Variants in LUZP2 observed in about 807,000 individuals in gnomAD.
LUZP2 encodes leucine zipper protein 2.
A neutral mutation model predicts 51.6 loss-of-function variants in LUZP2; 52 were observed. That is an observed-to-expected ratio of 1.01 (90% CI 0.81 to 1.27). LUZP2 has a LOEUF of 1.27. Ranked by LOEUF, LUZP2 falls within the 50% of genes most tolerant of loss-of-function variation. The probability of loss-of-function intolerance (pLI) is 0.00; values close to 1 mark genes in which losing one functional copy is unlikely to be tolerated. For synonymous variants in LUZP2, 154 were observed against 137.3 expected (o/e 1.12, Z -0.85); for missense variants, 436 against 395.4 (o/e 1.10, Z -0.87).
chr11:24,819,228 TA>T (rs2134153804), intron 5 of LUZP2, among the ~76,000 whole-genome samples: 1 of 152,108 alleles, frequency 6.6e-6, no homozygotes, highest in African/African-American at 2.4e-5. Context: ...GAGTGAGGTA[TA>T]GCTTGCCAGG....
At chr11:24,608,368 A>C (rs185900560) in intron 1 of LUZP2, among the ~76,000 whole-genome samples, 1 of 152,298 alleles carries the variant, frequency 6.6e-6, no homozygotes, top group Non-Finnish European at 1.5e-5. Flanking sequence ...TGGTTTTAAT[A>C]AAACTTTTGA....
intron 1 of LUZP2, among the ~76,000 whole-genome samples, chr11:24,699,356 T>C (rs1419658851): frequency 6.6e-6 from 1 of 152,210 alleles, no homozygotes; most frequent in Non-Finnish European, 1.5e-5. Flanking sequence ...TTGAATTCCC[T>C]GCATAGTTTT....
chr11:24,502,097 A>G, intron 1 of LUZP2, among the ~76,000 whole-genome samples: 1 of 152,152 alleles, frequency 6.6e-6, no homozygotes, highest in Non-Finnish European at 1.5e-5. Context: ...GGACTGAATG[A>G]GTTCATCCGT....
intron 1 of LUZP2, among the ~76,000 whole-genome samples, chr11:24,515,897 A>AT (rs1255449481): frequency 6.6e-6 from 1 of 151,932 alleles, no homozygotes; most frequent in East Asian, 1.9e-4. Flanking sequence ...TCCTTGCTGA[A>AT]TTTTTTGTCC....
chr11:24,772,707 G>A lies in LUZP2; in HGVS notation c.396+9399G>A, dbSNP rs1370515353. ...AATTTCCTGTCTCTCAATTCTGGAG[G>A]CTACAAGTCTGGATCCACAGTGTCA... On this transcript the variant is annotated intron_variant, in intron 5 of 11. Coordinates refer to ENST00000336930, the MANE Select transcript of LUZP2 (RefSeq NM_001009909.4). Among the ~76,000 whole-genome samples, 6 of 152,210 alleles carry A rather than the reference G, an allele frequency of 3.9e-5. No homozygotes were observed. In the East Asian group the frequency reaches 1.2e-3, roughly 29 times the overall value.
intron 5 of LUZP2, among the ~76,000 whole-genome samples, chr11:24,881,968 G>A (rs186309294): frequency 1.2e-4 from 18 of 151,854 alleles, no homozygotes; most frequent in Admixed American, 1.1e-3. Flanking sequence ...GATTTTATTT[G>A]TTATCTGTTA....
At chr11:24,670,489 T>C (rs1038119922) in intron 1 of LUZP2, among the ~76,000 whole-genome samples, 1 of 152,004 alleles carries the variant, frequency 6.6e-6, no homozygotes, top group Admixed American at 6.6e-5. Context: ...ACCTGTCTTA[T>C]TTATCACATC....
chr11:24,560,692 T>A (rs1394991328), intron 1 of LUZP2, among the ~76,000 whole-genome samples: 1 of 152,162 alleles, frequency 6.6e-6, no homozygotes, highest in Non-Finnish European at 1.5e-5. Flanking sequence ...GGAACAGGTA[T>A]AATTAAAAGC....
chr11:24,994,087 C>G (rs1179255432), intron 9 of LUZP2, among the ~76,000 whole-genome samples: 1 of 150,876 alleles, frequency 6.6e-6, no homozygotes, highest in African/African-American at 2.4e-5. Context: ...TCTCGAACTG[C>G]TGACGTCATA....
intron 7 of LUZP2, among the ~76,000 whole-genome samples, chr11:24,937,455 G>A (rs1281707739): frequency 6.6e-6 from 1 of 152,224 alleles, no homozygotes; most frequent in East Asian, 1.9e-4. Flanking sequence ...AAATGAGATT[G>A]TATATGCAAA....
At chr11:24,806,914 A>T (rs551981013) in intron 5 of LUZP2, among the ~76,000 whole-genome samples, 1 of 151,990 alleles carries the variant, frequency 6.6e-6, no homozygotes, top group African/African-American at 2.4e-5. Flanking sequence ...ATGACAAAAA[A>T]AAAATCAAAA....
At chr11:24,954,836 C>T (rs939589676) in intron 7 of LUZP2, among the ~76,000 whole-genome samples, 14 of 152,038 alleles carry the variant, frequency 9.2e-5, no homozygotes, top group East Asian at 1.9e-4. Flanking sequence ...ATAACATAGA[C>T]GCTAAAATGA....
chr11:24,550,938 G>A (rs958275771), intron 1 of LUZP2, among the ~76,000 whole-genome samples: 1 of 151,190 alleles, frequency 6.6e-6, no homozygotes, highest in Non-Finnish European at 1.5e-5. Flanking sequence ...GCAAGATCCT[G>A]TCTCAAAAAC....
At chr11:25,018,373 T>C (rs1475333241) in intron 9 of LUZP2, among the ~76,000 whole-genome samples, 4 of 152,076 alleles carry the variant, frequency 2.6e-5, no homozygotes, top group Non-Finnish European at 4.4e-5. Context: ...ATCACTAAGT[T>C]CAGCCTACAC....
chr11:24,505,326 G>C lies in LUZP2; in HGVS notation c.62+8021G>C, dbSNP rs968692969. Among the ~76,000 whole-genome samples, 4 of 152,090 alleles carry C rather than the reference G, an allele frequency of 2.6e-5. No individual in the cohort carries two copies. In the East Asian group the frequency reaches 5.8e-4, roughly 22 times the overall value. On this transcript the variant is annotated intron_variant, in intron 1 of 11. Transcript: ENST00000336930. ...ATGGAGATGACAAGAGGTGTTTGTC[G>C]TGTTGCATGGGGTTAAATCCAAAAG...
intron 1 of LUZP2, among the ~76,000 whole-genome samples, chr11:24,507,683 A>G (rs1590115166): frequency 6.6e-6 from 1 of 151,996 alleles, no homozygotes; most frequent in Non-Finnish European, 1.5e-5. Flanking sequence ...AGGCAAAAAA[A>G]CCAAGACCTA....
chr11:24,501,111 A>G (rs1198410096), intron 1 of LUZP2, among the ~76,000 whole-genome samples: 1 of 152,218 alleles, frequency 6.6e-6, no homozygotes, highest in Non-Finnish European at 1.5e-5. Context: ...TCTGCCACAC[A>G]TGACATTTTA....
intron 7 of LUZP2, among the ~76,000 whole-genome samples, chr11:24,936,951 A>C (rs769598175): frequency 6.6e-6 from 1 of 152,182 alleles, no homozygotes; most frequent in Non-Finnish European, 1.5e-5. Context: ...TTAAGGTTGC[A>C]AATACCTATA....
intron 5 of LUZP2, among the ~76,000 whole-genome samples, chr11:24,802,229 C>G (rs1249040022): frequency 6.6e-6 from 1 of 151,946 alleles, no homozygotes; most frequent in Non-Finnish European, 1.5e-5. Flanking sequence ...GTGATCCAGC[C>G]ATATGGTTAG....
Sources: gnomAD v4.1 joint callset for allele counts (sites outside exome capture counted in the v4.1 genomes callset) on GRCh38, gnomAD v4.1.1 for gene constraint, MANE v1.5 for transcripts, NCBI Gene and HGNC (gene_info 2026-07-23, HGNC 2026-07-21) for gene names.